KCNAB1: variants seen among roughly 807,000 people sequenced by gnomAD.
The protein encoded by KCNAB1 is potassium voltage-gated channel subfamily A regulatory beta subunit 1.
A neutral mutation model predicts 64.6 loss-of-function variants in KCNAB1; 35 were observed. That is an observed-to-expected ratio of 0.54 (90% CI 0.41 to 0.72). The LOEUF (loss-of-function observed/expected upper bound fraction) is 0.72, where lower values mean the gene tolerates loss of function less well. Among genes scored for constraint, KCNAB1 ranks in the 30% least tolerant of loss-of-function variants. The pLI, the probability that KCNAB1 is intolerant of heterozygous loss-of-function variation, is 0.00. For missense variants in KCNAB1, 401 were observed against 512.9 expected (o/e 0.78, Z 2.11); for synonymous variants, 177 against 183.8 (o/e 0.96, Z 0.30).
intron 1 of KCNAB1, among the ~76,000 whole-genome samples, chr3:156,180,753 G>A (rs183771800): frequency 4.9e-4 from 75 of 152,292 alleles, no homozygotes; most frequent in Admixed American, 1.6e-3. Context: ...TCACCCAGGA[G>A]AGTAGATAGG....
chr3:156,119,789 G>T (rs2108247974), upstream of KCNAB1, among the ~76,000 whole-genome samples: 1 of 152,244 alleles, frequency 6.6e-6, no homozygotes, highest in Non-Finnish European at 1.5e-5. Flanking sequence ...CATCAGCTTG[G>T]CTTTCTTTGT....
At chr3:156,202,453 G>C (rs959405952) in intron 1 of KCNAB1, among the ~76,000 whole-genome samples, 2 of 152,134 alleles carry the variant, frequency 1.3e-5, no homozygotes, top group Non-Finnish European at 2.9e-5. Flanking sequence ...TTTCTCTAAC[G>C]ATCTGCTAGG....
intron 1 of KCNAB1, among the ~76,000 whole-genome samples, chr3:156,171,705 T>C (rs542159347): frequency 3.1e-4 from 47 of 152,308 alleles, no homozygotes; most frequent in Admixed American, 7.2e-4. Context: ...GGGCTCTTCA[T>C]TTCCCCTACG....
intron 1 of KCNAB1, among the ~76,000 whole-genome samples, chr3:156,183,841 G>C (rs1713022116): frequency 6.6e-6 from 1 of 152,208 alleles, no homozygotes; most frequent in African/African-American, 2.4e-5. Context: ...ATGAGAAAAA[G>C]TATAAGTATA....
intron 13 of KCNAB1, among the ~76,000 whole-genome samples, chr3:156,536,121 C>T (rs1290922880): frequency 6.6e-6 from 1 of 152,194 alleles, no homozygotes; most frequent in African/African-American, 2.4e-5. Flanking sequence ...TAAATCTCTC[C>T]TTAGTCTCTA....
At chr3:156,265,300 C>T (rs1283867596) in intron 1 of KCNAB1, among the ~76,000 whole-genome samples, 1 of 152,170 alleles carries the variant, frequency 6.6e-6, no homozygotes, top group Non-Finnish European at 1.5e-5. Flanking sequence ...TTCTCCACAA[C>T]TTGCATGTTT....
chr3:156,184,207 T>C (rs928662728), intron 1 of KCNAB1, among the ~76,000 whole-genome samples: 3 of 152,172 alleles, frequency 2.0e-5, no homozygotes, highest in Admixed American at 6.5e-5. Flanking sequence ...AAATTAGAAT[T>C]GGGTGAAAGA....
At chr3:156,336,962 C>A (rs1465480970) in intron 1 of KCNAB1, among the ~76,000 whole-genome samples, 1 of 152,188 alleles carries the variant, frequency 6.6e-6, no homozygotes, top group African/African-American at 2.4e-5. Context: ...AGACATAAGA[C>A]CTACTGAAAA....
At chr3:156,127,615 G>A (rs992447173) in intron 1 of KCNAB1, among the ~76,000 whole-genome samples, 1 of 152,294 alleles carries the variant, frequency 6.6e-6, no homozygotes, top group South Asian at 2.1e-4. Flanking sequence ...CAGCATTCTA[G>A]TAGCAGCCTC....
At chr3:156,465,598 A>T (rs375593807) in intron 6 of KCNAB1, 45 bp from the exon 7 acceptor site, 12 of 1,561,732 alleles carry the variant, frequency 7.7e-6, no homozygotes, top group Non-Finnish European at 1.1e-5. Flanking sequence ...AGAAGAAAAG[A>T]AAGCACACTC....
intron 13 of KCNAB1, 78 bp downstream of exon 13, chr3:156,531,575 T>TC (rs529451589): frequency 1.9e-6 from 2 of 1,049,432 alleles, no homozygotes; most frequent in South Asian, 1.3e-5. Flanking sequence ...GTCCCATCTC[T>TC]CCCCCTCTCT....
chr3:156,255,153 C>T (rs1432885140), intron 1 of KCNAB1, among the ~76,000 whole-genome samples: 1 of 152,168 alleles, frequency 6.6e-6, no homozygotes, highest in Non-Finnish European at 1.5e-5. Context: ...TTATAGGCTA[C>T]TTTGTTCCAA....
At chr3:156,391,084 T>A (rs1713007134) in intron 1 of KCNAB1, among the ~76,000 whole-genome samples, 1 of 152,108 alleles carries the variant, frequency 6.6e-6, no homozygotes, top group African/African-American at 2.4e-5. Context: ...GGGAGGGGTA[T>A]TTAAGATATA....
chr3:156,387,295 T>G (rs7615568), intron 1 of KCNAB1, among the ~76,000 whole-genome samples: 51,358 of 151,806 alleles, frequency 0.34, 12,157 homozygotes, highest in African/African-American at 0.68. Flanking sequence ...TGTTGTGATC[T>G]AACCTTAGGG....
chr3:156,168,622 T>G (rs897495789), intron 1 of KCNAB1, among the ~76,000 whole-genome samples: 1 of 152,216 alleles, frequency 6.6e-6, no homozygotes, highest in Non-Finnish European at 1.5e-5. Flanking sequence ...CAATACAACA[T>G]GGATACATCA....
At chr3:156,239,201 A>G (rs1325159481) in intron 1 of KCNAB1, among the ~76,000 whole-genome samples, 1 of 152,256 alleles carries the variant, frequency 6.6e-6, no homozygotes, top group Non-Finnish European at 1.5e-5. Context: ...CAAATATGGA[A>G]TACATGATAA....
intron 1 of KCNAB1, among the ~76,000 whole-genome samples, chr3:156,130,597 A>C (rs761355339): frequency 5.3e-5 from 8 of 152,216 alleles, no homozygotes; most frequent in Non-Finnish European, 1.2e-4. Flanking sequence ...CCAGTACTTG[A>C]ATCTGGAGAC....
intron 7 of KCNAB1, among the ~76,000 whole-genome samples, chr3:156,471,507 C>T (rs541551841): frequency 5.3e-5 from 8 of 152,338 alleles, no homozygotes; most frequent in East Asian, 3.9e-4. Flanking sequence ...TTTCCACAGA[C>T]GCTGGGTTAG....
At chr3:156,389,522 AGT>A (rs1237552530) in intron 1 of KCNAB1, among the ~76,000 whole-genome samples, 1 of 152,220 alleles carries the variant, frequency 6.6e-6, no homozygotes, top group Non-Finnish European at 1.5e-5. Flanking sequence ...TGTTTATGGC[AGT>A]GATTCTCCAA....
Sources: allele counts gnomAD v4.1 joint callset (sites outside exome capture counted in the v4.1 genomes callset), GRCh38; gene constraint gnomAD v4.1.1; transcripts MANE v1.5; gene names NCBI Gene and HGNC (gene_info 2026-07-23, HGNC 2026-07-21).